CPXM2: variants seen among roughly 807,000 people sequenced by gnomAD.
CPXM2 encodes the protein carboxypeptidase X, M14 family member 2.
A neutral mutation model predicts 86.1 loss-of-function variants in CPXM2; 66 were observed. The observed-to-expected ratio is 0.77, with a 90% CI of 0.63 to 0.94. The LOEUF (loss-of-function observed/expected upper bound fraction) is 0.94. CPXM2 is among the 40% of genes least tolerant of loss of function. CPXM2 has a pLI of 0.00. For synonymous variants in CPXM2, 388 were observed against 400.2 expected (o/e 0.97, Z 0.36); for missense variants, 948 against 1,026.3 (o/e 0.92, Z 1.04).
At chr10:123,761,254 C>G (rs1055838697) in intron 11 of CPXM2, among the ~76,000 whole-genome samples, 1 of 152,168 alleles carries the variant, frequency 6.6e-6, no homozygotes, top group Admixed American at 6.5e-5. Flanking sequence ...ATGAGTGTGA[C>G]GGGCCGTCCC....
At chr10:123,883,698 G>A (rs566781579) in intron 1 of CPXM2, among the ~76,000 whole-genome samples, 2 of 152,330 alleles carry the variant, frequency 1.3e-5, no homozygotes, top group South Asian at 4.1e-4. Context: ...GGACACAGAT[G>A]CTCAGAGGGG....
At chr10:123,927,550 G>A (rs1945634105) in intron 2 of CPXM2, among the ~76,000 whole-genome samples, 1 of 152,166 alleles carries the variant, frequency 6.6e-6, no homozygotes, top group African/African-American at 2.4e-5. Flanking sequence ...CCTTGCCCAA[G>A]GTCACACAGC....
chr10:123,862,415 C>T (rs566243753), intron 3 of CPXM2, among the ~76,000 whole-genome samples, 199 bp downstream of exon 3: 17 of 152,300 alleles, frequency 1.1e-4, no homozygotes, highest in Non-Finnish European at 1.5e-4. Context: ...CTTTTACTCA[C>T]GACAGTCTTT....
At chr10:123,782,570 A>G (rs1846959202) in intron 6 of CPXM2, among the ~76,000 whole-genome samples, 1 of 152,186 alleles carries the variant, frequency 6.6e-6, no homozygotes, top group African/African-American at 2.4e-5. Context: ...TTGTCCATTT[A>G]TTCTGATTAG....
rs149587498 is a variant in CPXM2, at chr10:123,799,003, G to C, written c.738+112C>G. On this transcript the variant is annotated intron_variant, in intron 5 of 13. Transcript: ENST00000241305. The stretch of plus-strand genomic sequence containing the variant: ...TCCATCAGACTGTAGTGGTAGGTTT[G>C]AGTTGACAGAGAATCCACAAATCTC... The C allele has an allele frequency of 1.3e-4, 161 of 1,223,804 alleles. No individual in the cohort carries two copies. In the African/African-American group the frequency reaches 2.3e-3, roughly 17 times the overall value. The allele number at this position is 1,223,804 out of a possible 1,614,324, so 75.8% of individuals were successfully genotyped here.
Position 123,780,156 on chromosome 10 carries a change from C to A in CPXM2, c.978+11G>T. On this transcript the variant is annotated intron_variant, in intron 7 of 13. Coordinates refer to ENST00000241305, the MANE Select transcript of CPXM2 (RefSeq NM_198148.3). ...AATTCCTGGCATGAGGCTTTGTGAT[C>A]TGGGTCTTACCTGGCGCATTTCCTT... 1 of 1,556,286 alleles carries A rather than the reference C, an allele frequency of 6.4e-7. No homozygotes were observed.
chr10:123,795,702 GAAAAA>G (rs968168102), intron 6 of CPXM2, among the ~76,000 whole-genome samples: 1 of 147,900 alleles, frequency 6.8e-6, no homozygotes, highest in East Asian at 2.0e-4. Context: ...GTAACTTCTA[GAAAAA>G]AAAAATGGTC....
chr10:123,856,895 A>G (rs1848737268), intron 3 of CPXM2, among the ~76,000 whole-genome samples: 1 of 152,168 alleles, frequency 6.6e-6, no homozygotes, highest in East Asian at 1.9e-4. Flanking sequence ...CCTAGCCCTA[A>G]GCATGATTTT....
chr10:123,874,930 C>G (rs866954395), intron 2 of CPXM2, among the ~76,000 whole-genome samples: 35 of 152,350 alleles, frequency 2.3e-4, no homozygotes, highest in Admixed American at 1.3e-4. Flanking sequence ...CATCAGAGTT[C>G]TGTCCCCTAA....
chr10:123,824,662 A>G (rs921942101), intron 4 of CPXM2, among the ~76,000 whole-genome samples: 7 of 152,194 alleles, frequency 4.6e-5, no homozygotes, highest in Admixed American at 4.6e-4. Context: ...GCCAGGCAGA[A>G]CTGGGCTCAA....
chr10:123,762,607 A>T (rs1412221251), intron 10 of CPXM2, among the ~76,000 whole-genome samples: 3 of 152,186 alleles, frequency 2.0e-5, no homozygotes, highest in Non-Finnish European at 4.4e-5. Context: ...GAGAGGAAAG[A>T]TGTGGATGAA....
chr10:123,770,947 C>T lies in CPXM2; in HGVS notation c.1071G>A (p.Glu357=). 1.2e-6 allele frequency: 2 copies of T among 1,614,096 alleles called. No individual in the cohort carries two copies. The highest frequency in any genetic ancestry group is 2.2e-5 in the South Asian group (2 of 91,068). The change falls in exon 8 of 14, where the codon GAG becomes GAA. Residue 357 remains glutamate, a synonymous_variant. Coordinates refer to ENST00000241305, the MANE Select transcript of CPXM2 (RefSeq NM_198148.3). ...CATGCTCCCCAGGGTGATCTGAGAT[C>T]TCCACAGCATACAGCTTCAGGCCCT... ...SHQGLKLYAV[E]ISDHPGEHEV...
In CPXM2 at chr10:123,852,612, C is replaced by T. The variant is rs536922261; in HGVS notation, c.513+10002G>A. 9.2e-5 allele frequency among the ~76,000 whole-genome samples: 14 copies of T among 152,322 alleles called. No homozygotes were observed. The South Asian group carries it at 2.3e-3, about 25-fold the overall frequency. On this transcript the variant is annotated intron_variant, in intron 3 of 13. Transcript: ENST00000241305. ...TTCCAGGGCTCCCCTAATTGGCTCA[C>T]GGCTAAAAGCTGAAGTCCTTCCAGG... is the stretch of plus-strand genomic sequence containing the variant.
rs377517971 is a variant in CPXM2, at chr10:123,800,628, C to A, written c.654-1429G>T. Among the ~76,000 whole-genome samples, 14 of 151,732 alleles carry A rather than the reference C, an allele frequency of 9.2e-5. No homozygotes were observed. The East Asian group carries it at 2.1e-3, about 23-fold the overall frequency. On this transcript the variant is annotated intron_variant, in intron 4 of 13. Transcript: ENST00000241305. ...AACAGAGGCGGGAGCTGTATCCTGCCGAGAGAGAGGTGATGAATGTAGGAA... is the reference window on the plus strand; with the variant it reads ...AACAGAGGCGGGAGCTGTATCCTGCAGAGAGAGAGGTGATGAATGTAGGAA...
chr10:123,926,165 G>A (rs969765606), intron 2 of CPXM2, among the ~76,000 whole-genome samples: 11 of 152,226 alleles, frequency 7.2e-5, no homozygotes, highest in Non-Finnish European at 1.5e-4. Context: ...ATTGGCCAAA[G>A]TAAGTCTCCA....
At chr10:123,916,778 CTTT>C (rs71474791) in intron 2 of CPXM2, among the ~76,000 whole-genome samples, 5 of 146,284 alleles carry the variant, frequency 3.4e-5, no homozygotes, top group African/African-American at 1.3e-4. Context: ...CTCTCTCTCT[CTTT>C]TTTTTTTTTC....
intron 4 of CPXM2, among the ~76,000 whole-genome samples, chr10:123,839,797 T>C (rs1306693833): frequency 2.0e-5 from 3 of 152,220 alleles, no homozygotes; most frequent in Admixed American, 6.5e-5. Context: ...TCAGTCCTCG[T>C]TGGAGACAGT....
chr10:123,789,850 G>A (rs548623755), intron 6 of CPXM2, among the ~76,000 whole-genome samples: 1 of 152,274 alleles, frequency 6.6e-6, no homozygotes, highest in African/African-American at 2.4e-5. Flanking sequence ...CGGGTGCGGT[G>A]GCTCACACCT....
At chr10:123,805,768 G>T (rs1320518393) in intron 4 of CPXM2, among the ~76,000 whole-genome samples, 2 of 152,018 alleles carry the variant, frequency 1.3e-5, no homozygotes, top group East Asian at 3.9e-4. Flanking sequence ...AAAATAATCA[G>T]ATTTTGATTA....
Sources: allele counts gnomAD v4.1 joint callset (sites outside exome capture counted in the v4.1 genomes callset), GRCh38; gene constraint gnomAD v4.1.1; transcripts MANE v1.5; gene names NCBI Gene and HGNC (gene_info 2026-07-23, HGNC 2026-07-21).